Variants in DDX20 observed in about 807,000 individuals in gnomAD.
DDX20 encodes the protein probable ATP-dependent RNA helicase DDX20.
In DDX20, 61 loss-of-function variants were observed where a neutral mutation model predicts 76.4. The ratio of observed to expected loss-of-function variants is 0.80; its 90% confidence interval spans 0.65 to 0.99. The LOEUF (loss-of-function observed/expected upper bound fraction) is 0.99. DDX20 is among the 50% of genes least tolerant of loss of function. The probability of loss-of-function intolerance (pLI) is 0.00; values close to 1 mark genes in which losing one functional copy is unlikely to be tolerated. For missense variants in DDX20, 976 were observed against 996.8 expected (o/e 0.98, Z 0.28); for synonymous variants, 357 against 357.4 (o/e 1.00, Z 0.01).
chr1:111,756,928 C>A (rs548954946), intron 2 of DDX20, among the ~76,000 whole-genome samples, 188 bp downstream of exon 2: 1 of 152,284 alleles, frequency 6.6e-6, no homozygotes, highest in African/African-American at 2.4e-5. Flanking sequence ...CCATATATGT[C>A]AATTTTGTCA....
rs1299057133 is a variant in DDX20, at chr1:111,767,176, A to G, written c.*277A>G. 1.1e-5 allele frequency: 3 copies of G among 275,626 alleles called. No individual in the cohort carries two copies. The highest frequency in any genetic ancestry group is 8.3e-5 in the South Asian group (1 of 12,028). The allele number at this position is 275,626 out of a possible 1,614,324, so 17.1% of individuals were successfully genotyped here. ...TGAAAGTTTCAGGGTGCCATTTTCTATAAGATCTTCCCAAAAGAAACATTT... is the reference window on the plus strand; with the variant it reads ...TGAAAGTTTCAGGGTGCCATTTTCTGTAAGATCTTCCCAAAAGAAACATTT... On this transcript the variant is annotated 3_prime_UTR_variant, in exon 11 of 11. Coordinates refer to ENST00000369702, the MANE Select transcript of DDX20 (RefSeq NM_007204.5).
chr1:111,759,934 A>C (rs1663635642), intron 3 of DDX20, among the ~76,000 whole-genome samples: 1 of 144,216 alleles, frequency 6.9e-6, no homozygotes, highest in Non-Finnish European at 1.5e-5. Flanking sequence ...AGATCGCGCC[A>C]CTGCACTCCA....
chr1:111,763,328 T>C (rs1262307424), intron 10 of DDX20, among the ~76,000 whole-genome samples: 1 of 152,144 alleles, frequency 6.6e-6, no homozygotes, highest in African/African-American at 2.4e-5. Context: ...TCCCAGCACT[T>C]TGGGAGGCCA....
chr1:111,766,652 C>T lies in DDX20; in HGVS notation c.2228C>T (p.Ser743Phe), dbSNP rs747241378. 1 of 1,614,044 alleles carries T rather than the reference C, an allele frequency of 6.2e-7. No individual in the cohort carries two copies. Among genetic ancestry groups the T allele is most frequent in the Non-Finnish European group, 8.5e-7 (1 of 1,180,022 alleles). ...QSRRNLPRRS[S>F]FRLQTEAQED... The stretch of plus-strand genomic sequence containing the variant: ...CGGAGAAACCTACCCAGGCGGTCTT[C>T]CTTCAGATTGCAGACTGAAGCCCAG... The change falls in exon 11 of 11, where the codon TCC (serine) becomes TTC (phenylalanine). Residue 743 changes from serine to phenylalanine, a missense_variant. Physicochemically the swap from Ser to Phe is radical, Grantham distance 155. Coordinates refer to ENST00000369702, the MANE Select transcript of DDX20 (RefSeq NM_007204.5).
In DDX20 at chr1:111,761,461, A is replaced by G. The variant is rs991264588; in HGVS notation, c.1021+177A>G. The stretch of plus-strand genomic sequence containing the variant: ...TTGGAATTTGATATGTCAATATTCT[A>G]TTTTTAAGGAGTAACTTGGTATATA... On this transcript the variant is annotated intron_variant, in intron 7 of 10. Transcript: ENST00000369702. 4.6e-5 allele frequency: 25 copies of G among 543,728 alleles called. No individual in the cohort carries two copies. In the Admixed American group the frequency reaches 5.2e-4, roughly 11 times the overall value. The allele number at this position is 543,728 out of a possible 1,614,324, so 33.7% of individuals were successfully genotyped here.
chr1:111,756,714 C>G lies in DDX20; in HGVS notation c.370C>G (p.Leu124Val), dbSNP rs1557920268. 2 of 1,614,116 alleles carry G rather than the reference C, an allele frequency of 1.2e-6. No homozygotes were observed. The highest frequency in any genetic ancestry group is 1.6e-4 in the Middle Eastern group (1 of 6,062). ...CVFSTIALDS[L>V]VLENLSTQIL... ...GTTCTCCACCATAGCTTTGGACTCT[C>G]TTGTTCTTGAAAACTTAAGTACCCA... The change falls in exon 2 of 11, where the codon CTT (leucine) becomes GTT (valine). Residue 124 changes from leucine to valine, a missense_variant. This residue lies in a region of DDX20 where 343 missense variants were observed against 286.4 expected (regional missense o/e 1.20). Coordinates refer to ENST00000369702, the MANE Select transcript of DDX20 (RefSeq NM_007204.5).
rs183057008 is a variant in DDX20 at position 111,766,979 on chromosome 1, A to C, written c.*80A>C. 1.4e-4 allele frequency: 147 copies of C among 1,037,844 alleles called. 1 individual carries two copies. In the Admixed American group the frequency reaches 3.4e-3, roughly 24 times the overall value. 64.3% of individuals were successfully genotyped at this position (1,037,844 alleles called of 1,614,324 possible). A position where few individuals can be genotyped will look rare whatever the true frequency, so the allele number is the denominator to read the frequency against. Reference sequence around the variant, plus strand: ...ATCCATCCTCCTCGACTTATAGTACAGTGGTGTATAGTGGCATTTCTGATA... The same window carrying C: ...ATCCATCCTCCTCGACTTATAGTACCGTGGTGTATAGTGGCATTTCTGATA... On this transcript the variant is annotated 3_prime_UTR_variant, in exon 11 of 11. Coordinates refer to ENST00000369702, the MANE Select transcript of DDX20 (RefSeq NM_007204.5).
chr1:111,761,075 C>A lies in DDX20; in HGVS notation c.912C>A (p.Phe304Leu). Residue 304 changes from phenylalanine to leucine, a missense_variant, in exon 6 of 11, where the codon TTC becomes TTA. Phe to Leu is a conservative substitution (Grantham distance 22). Transcript: ENST00000369702. ...AGACTCAGCATTTACAGGAACTGTT[C>A]AGCAGAATTCCATTTAATCAAGCTT... ...EEKTQHLQEL[F>L]SRIPFNQALV... 6 of 1,613,962 alleles carry A rather than the reference C, an allele frequency of 3.7e-6. No homozygotes were observed. Among genetic ancestry groups the A allele is most frequent in the Non-Finnish European group, 5.1e-6 (6 of 1,179,914 alleles).
At chr1:111,759,830 C>T (rs1024841492) in intron 3 of DDX20, among the ~76,000 whole-genome samples, 4 of 151,040 alleles carry the variant, frequency 2.6e-5, no homozygotes, top group Admixed American at 6.6e-5. Context: ...AAAAATTAGC[C>T]GGGCGTGGTA....
intron 10 of DDX20, among the ~76,000 whole-genome samples, chr1:111,765,471 C>G (rs1663759818): frequency 6.6e-6 from 1 of 152,140 alleles, no homozygotes; most frequent in African/African-American, 2.4e-5. Context: ...TTGTACATTA[C>G]TCCTAGAGTA....
chr1:111,762,829 T>C, intron 9 of DDX20, 47 bp downstream of exon 9: 1 of 1,486,450 alleles, frequency 6.7e-7, no homozygotes, highest in East Asian at 2.4e-5. Context: ...AGGGGAGGGA[T>C]CTATAATGTG....
Position 111,759,416 on chromosome 1 carries a change from C to T in DDX20, c.413C>T (p.Pro138Leu), listed in dbSNP as rs777168635. ...NLSTQILILA[P>L]TREIAVQIHS... ...TTTTTTTAGATTTTGATCTTGGCTC[C>T]TACAAGAGAAATTGCTGTACAGATA... The change falls in exon 3 of 11, where the codon CCT (proline) becomes CTT (leucine). Residue 138 changes from proline (P) to leucine (L), a missense_variant. Physicochemically the swap from Pro to Leu is moderately conservative, Grantham distance 98. Around this residue, in one of 3 missense-constraint regions of DDX20, gnomAD observed 343 missense variants for 286.4 expected, o/e 1.20. Coordinates refer to ENST00000369702, the MANE Select transcript of DDX20 (RefSeq NM_007204.5). 4.3e-5 allele frequency: 68 copies of T among 1,599,314 alleles called. No individual in the cohort carries two copies. Among genetic ancestry groups the T allele is most frequent in the Non-Finnish European group, 4.6e-5 (54 of 1,175,128 alleles).
At position 111,756,033 on chromosome 1, in the gene DDX20, G is replaced by T; in HGVS notation, c.109G>T (p.Val37Leu). The change falls in exon 1 of 11, where the codon GTG becomes TTG. Residue 37 changes from valine to leucine, a missense_variant. This residue lies in a region of DDX20 where 343 missense variants were observed against 286.4 expected (regional missense o/e 1.20). Transcript: ENST00000369702. ...GGCCCCAGAGCCAACACCCGGGCCT[G>T]TGAGGATCCTGCGGACCGCTCAGGA... ...VPAPEPTPGPVRILRTAQDLS... is the reference protein window; with the variant it reads ...VPAPEPTPGPLRILRTAQDLS... 1 of 1,610,098 alleles carries T rather than the reference G, an allele frequency of 6.2e-7. No homozygotes were observed. The highest frequency in any genetic ancestry group is 1.8e-4 in the Middle Eastern group (1 of 5,664).
Position 111,766,399 on chromosome 1 carries a change from T to TAA in DDX20, c.1976_1977insAA (p.Tyr659Ter). 4 of 1,614,216 alleles carry TAA rather than the reference T, an allele frequency of 2.5e-6. No individual in the cohort carries two copies. The highest frequency in any genetic ancestry group is 3.4e-6 in the Non-Finnish European group (4 of 1,180,028). The change falls in exon 11 of 11, where the codon TAC becomes TAAAC. Residue 659 changes from tyrosine (Y) to a stop codon, truncating the protein, a stop_gained and frameshift_variant. Coordinates refer to ENST00000369702, the MANE Select transcript of DDX20 (RefSeq NM_007204.5). LOFTEE classifies it high-confidence loss of function. ...SGDSESDSDS[Y>*]SSRTSSQSKG... ...AGACTCTGAGAGTGACAGTGATTCT[T>TAA]ACAGCTCAAGAACCTCTTCCCAGAG...
chr1:111,762,460 CT>C, intron 8 of DDX20, 123 bp downstream of exon 8: 2 of 881,706 alleles, frequency 2.3e-6, no homozygotes, highest in Non-Finnish European at 3.5e-6. Flanking sequence ...AGATAATTAT[CT>C]TTCCAGTGCT....
rs1311032374 is a variant in DDX20 at position 111,766,485 on chromosome 1, T to G, written c.2061T>G (p.Ser687=). ...SSDNQLKDSE[S]TPVDDRISLE... is the part of the protein sequence containing the mutation. Reference sequence around the variant, plus strand: ...ATAATCAGCTGAAAGACTCTGAATCTACGCCTGTGGATGATCGTATTTCTT... The same window carrying G: ...ATAATCAGCTGAAAGACTCTGAATCGACGCCTGTGGATGATCGTATTTCTT... Residue 687 remains serine (S), a synonymous_variant, in exon 11 of 11, where the codon TCT becomes TCG. Transcript: ENST00000369702. The G allele has an allele frequency of 1.2e-6, 2 of 1,614,164 alleles. No individual in the cohort carries two copies. Among genetic ancestry groups the G allele is most frequent in the Non-Finnish European group, 1.7e-6 (2 of 1,180,012 alleles).
chr1:111,757,397 A>G (rs929567830), intron 2 of DDX20, among the ~76,000 whole-genome samples: 2 of 152,152 alleles, frequency 1.3e-5, no homozygotes, highest in Non-Finnish European at 2.9e-5. Flanking sequence ...TTGATCTCCC[A>G]TCTTCCAGGT....
chr1:111,761,044 A>G lies in DDX20; in HGVS notation c.881A>G (p.Glu294Gly), dbSNP rs769184615. 6.2e-7 allele frequency: 1 copy of G among 1,614,012 alleles called. No individual in the cohort carries two copies. The highest frequency in any genetic ancestry group is 1.1e-5 in the South Asian group (1 of 91,080). Residue 294 changes from glutamate to glycine, a missense_variant, in exon 6 of 11, where the codon GAG becomes GGG. Around this residue, in one of 3 missense-constraint regions of DDX20, gnomAD observed 630 missense variants for 693.7 expected, o/e 0.91. Transcript: ENST00000369702. ...NSYPLAHKVF[E>G]EKTQHLQELF... ...TACCCTTTGGCACATAAGGTTTTTGAGGAAAAGACTCAGCATTTACAGGAA... is the reference window on the plus strand; with the variant it reads ...TACCCTTTGGCACATAAGGTTTTTGGGGAAAAGACTCAGCATTTACAGGAA...
chr1:111,765,074 A>T (rs533533146), intron 10 of DDX20, among the ~76,000 whole-genome samples: 59 of 152,254 alleles, frequency 3.9e-4, no homozygotes, highest in Non-Finnish European at 6.2e-4. Flanking sequence ...ACAAAAATTG[A>T]TCACACTTTG....
Sources: allele counts gnomAD v4.1 joint callset (sites outside exome capture counted in the v4.1 genomes callset), GRCh38; gene constraint gnomAD v4.1.1; regional missense constraint gnomAD v4.1.1; transcripts MANE v1.5; gene names NCBI Gene and HGNC (gene_info 2026-07-23, HGNC 2026-07-21).